Variants in FOXP2 observed in about 807,000 individuals in gnomAD.
FOXP2 encodes forkhead box P2.
FOXP2 carries 12 observed loss-of-function variants against 115.8 expected under a neutral mutation model. The ratio of observed to expected loss-of-function variants is 0.10; its 90% CI spans 0.07 to 0.17. The LOEUF is 0.17. Ranked by LOEUF, FOXP2 falls within the 10% of genes least tolerant of loss-of-function variation. The probability of loss-of-function intolerance (pLI) is 1.00; values close to 1 mark genes in which losing one functional copy is unlikely to be tolerated. For missense variants in FOXP2, 629 were observed against 843.5 expected (o/e 0.75, Z 3.15); for synonymous variants, 328 against 297.7 (o/e 1.10, Z -1.05).
At chr7:114,686,794 T>G (rs1808388174) in intron 16 of FOXP2, among the ~76,000 whole-genome samples, 3 of 152,172 alleles carry the variant, frequency 2.0e-5, no homozygotes, top group African/African-American at 7.2e-5. Flanking sequence ...ACGTATACTT[T>G]TTAATATAAT....
chr7:114,244,404 C>T (rs768729674), intron 1 of FOXP2, among the ~76,000 whole-genome samples: 26 of 152,160 alleles, frequency 1.7e-4, no homozygotes, highest in Non-Finnish European at 3.2e-4. Flanking sequence ...TTAAGCTCCT[C>T]TTGGATGGAC....
intron 2 of FOXP2, among the ~76,000 whole-genome samples, chr7:114,335,875 C>G (rs759525907): frequency 1.1e-4 from 17 of 148,308 alleles, no homozygotes; most frequent in Non-Finnish European, 2.1e-4. Flanking sequence ...CTATTCCTAA[C>G]AAAAAAGAAA....
chr7:114,282,267 A>G (rs907405776), intron 1 of FOXP2, among the ~76,000 whole-genome samples: 1 of 152,200 alleles, frequency 6.6e-6, no homozygotes, highest in Non-Finnish European at 1.5e-5. Flanking sequence ...TATCAAAACT[A>G]CAAATTATGT....
chr7:114,108,966 T>A (rs536414069), intron 1 of FOXP2, among the ~76,000 whole-genome samples: 1 of 152,094 alleles, frequency 6.6e-6, no homozygotes, highest in South Asian at 2.1e-4. Flanking sequence ...TATGAAACAC[T>A]CACAAGGTAA....
Position 114,394,394 on chromosome 7 carries a change from TACAC to T in FOXP2, c.-10-32084_-10-32081del, listed in dbSNP as rs147854196. On this transcript the variant is annotated intron_variant, in intron 2 of 17. Coordinates refer to the FOXP2 transcript ENST00000634411. ...GAATAAAGGGAGAAATATGAATCTA[TACAC>T]ACACACACACACACACACACACAAG... 6.1e-4 allele frequency among the ~76,000 whole-genome samples: 89 copies of T among 146,650 alleles called. 1 individual carries two copies. Among genetic ancestry groups the T allele is most frequent in the African/African-American group, 1.6e-3 (64 of 40,018 alleles).
chr7:114,185,831 G>C (rs1793580663), intron 1 of FOXP2, among the ~76,000 whole-genome samples: 1 of 152,018 alleles, frequency 6.6e-6, no homozygotes, highest in Non-Finnish European at 1.5e-5. Flanking sequence ...TTTTTCTAAG[G>C]AGGAAATAGG....
At chr7:114,225,192 G>A (rs948534473) in intron 1 of FOXP2, among the ~76,000 whole-genome samples, 34 of 151,952 alleles carry the variant, frequency 2.2e-4, no homozygotes, top group African/African-American at 8.2e-4. Context: ...GGGGTATGTT[G>A]CTTCTTACTT....
At chr7:114,448,777 C>T (rs1196052870) in intron 2 of FOXP2, among the ~76,000 whole-genome samples, 2 of 151,972 alleles carry the variant, frequency 1.3e-5, no homozygotes, top group Non-Finnish European at 2.9e-5. Flanking sequence ...CTTATAATTG[C>T]AATTTTATTT....
chr7:114,185,864 T>G (rs952505131), intron 1 of FOXP2, among the ~76,000 whole-genome samples: 11 of 152,182 alleles, frequency 7.2e-5, no homozygotes, highest in Non-Finnish European at 1.6e-4. Context: ...TACCACTAAC[T>G]GGGTAATTTA....
At chr7:114,200,991 C>T (rs1794046908) in intron 1 of FOXP2, among the ~76,000 whole-genome samples, 1 of 151,944 alleles carries the variant, frequency 6.6e-6, no homozygotes, top group Non-Finnish European at 1.5e-5. Context: ...CCTGTTTCTA[C>T]TAAAAATACA....
chr7:114,270,417 T>G (rs919277488), intron 1 of FOXP2, among the ~76,000 whole-genome samples: 1 of 152,190 alleles, frequency 6.6e-6, no homozygotes, highest in Non-Finnish European at 1.5e-5. Context: ...AAAGTGGCCA[T>G]GCAATTTTGC....
chr7:114,111,937 T>C (rs1426926166), intron 1 of FOXP2, among the ~76,000 whole-genome samples: 1 of 151,820 alleles, frequency 6.6e-6, no homozygotes, highest in Non-Finnish European at 1.5e-5. Flanking sequence ...AAAATGGGTG[T>C]TTATTCAAGC....
At position 114,208,037 on chromosome 7, in the gene FOXP2, G is replaced by A. The variant is rs552085609; in HGVS notation, c.-102+44949G>A. On this transcript the variant is annotated intron_variant, in intron 1 of 17. Transcript: ENST00000634411. ...TCACCACCTAGTGGACCTGGGAGAA[G>A]AGGGCCACTGTCCTCCAGACCCTAG... Among the ~76,000 whole-genome samples the A allele has an allele frequency of 2.0e-4, 31 of 152,276 alleles. 1 individual carries two copies. The highest frequency in any genetic ancestry group is 6.5e-4 in the African/African-American group (27 of 41,560).
In FOXP2 at chr7:114,629,482, A is replaced by G. The variant is rs988254116; in HGVS notation, c.397-323A>G. The G allele has an allele frequency of 1.6e-5, 14 of 896,290 alleles. No homozygotes were observed. The African/African-American group carries it at 1.9e-4, about 12-fold the overall frequency. The allele number at this position is 896,290 out of a possible 1,614,324, so 55.5% of individuals were successfully genotyped here. A position where few individuals can be genotyped will look rare whatever the true frequency, so the allele number is the denominator to read the frequency against. Reference sequence around the variant, plus strand: ...CTAAATTTTTATTCTTACAACTGGTAGAGTATAGCCTAGTTTTTATGTGTC... The same window carrying G: ...CTAAATTTTTATTCTTACAACTGGTGGAGTATAGCCTAGTTTTTATGTGTC... On this transcript the variant is annotated intron_variant, in intron 4 of 16. Transcript: ENST00000350908.
chr7:114,123,243 C>T (rs1052244686), intron 1 of FOXP2, among the ~76,000 whole-genome samples: 1 of 150,728 alleles, frequency 6.6e-6, no homozygotes, highest in East Asian at 2.0e-4. Context: ...GTCCTAGCTT[C>T]TTGGGAGCCT....
intron 3 of FOXP2, among the ~76,000 whole-genome samples, chr7:114,599,994 A>G (rs764868762): frequency 6.6e-6 from 1 of 152,260 alleles, no homozygotes; most frequent in Admixed American, 6.5e-5. Context: ...GGTATGGTGC[A>G]TTCATTATAA....
chr7:114,569,321 A>G (rs576503978), intron 3 of FOXP2, among the ~76,000 whole-genome samples: 1 of 152,032 alleles, frequency 6.6e-6, no homozygotes, highest in Admixed American at 6.6e-5. Flanking sequence ...TGCAATTAGC[A>G]TATTTCAACC....
intron 2 of FOXP2, among the ~76,000 whole-genome samples, chr7:114,291,659 T>C (rs1029077757): frequency 6.6e-6 from 1 of 151,084 alleles, no homozygotes; most frequent in Non-Finnish European, 1.5e-5. Flanking sequence ...AACTCACGGG[T>C]TTTTGGCTGA....
intron 1 of FOXP2, among the ~76,000 whole-genome samples, chr7:114,277,070 C>G (rs1796207675): frequency 2.6e-5 from 4 of 151,946 alleles, no homozygotes; most frequent in Non-Finnish European, 5.9e-5. Context: ...AGCTCCTAAA[C>G]CAGATATGGA....
Sources: allele counts gnomAD v4.1 joint callset (sites outside exome capture counted in the v4.1 genomes callset), GRCh38; gene constraint gnomAD v4.1.1; transcripts MANE v1.5; gene names NCBI Gene and HGNC (gene_info 2026-07-23, HGNC 2026-07-21).